NDUFA10: variants seen among roughly 807,000 people sequenced by gnomAD.
NDUFA10 encodes the protein NADH dehydrogenase [ubiquinone] 1 alpha subcomplex subunit 10, mitochondrial.
A neutral mutation model predicts 47.8 loss-of-function variants in NDUFA10; 40 were observed. The ratio of observed to expected loss-of-function variants is 0.84; its 90% confidence interval spans 0.65 to 1.09. The LOEUF is 1.09. Among genes scored for constraint, NDUFA10 ranks in the 50% least tolerant of loss-of-function variants. The pLI is 0.00. For missense variants in NDUFA10, 413 were observed against 451.1 expected (o/e 0.92, Z 0.76); for synonymous variants, 183 against 172.2 (o/e 1.06, Z -0.49).
chr2:239,947,810 C>T (rs751589951), intron 4 of NDUFA10, among the ~76,000 whole-genome samples: 5 of 152,244 alleles, frequency 3.3e-5, no homozygotes, highest in African/African-American at 7.2e-5. Flanking sequence ...AACACGCCCA[C>T]GGCAGCGACA....
At chr2:240,002,217 T>C (rs1696748083) in intron 8 of NDUFA10, among the ~76,000 whole-genome samples, 1 of 150,850 alleles carries the variant, frequency 6.6e-6, no homozygotes, top group Non-Finnish European at 1.5e-5. Context: ...TATAATCCCA[T>C]CTACTCAGGA....
At chr2:239,967,404 C>T (rs1174099790) in intron 9 of NDUFA10, among the ~76,000 whole-genome samples, 1 of 152,216 alleles carries the variant, frequency 6.6e-6, no homozygotes, top group Non-Finnish European at 1.5e-5. Context: ...TACACACTGG[C>T]TGGTGGTGCT....
chr2:240,003,631 C>T (rs76741321), intron 8 of NDUFA10, among the ~76,000 whole-genome samples: 4,246 of 152,282 alleles, frequency 0.028, 207 homozygotes, highest in African/African-American at 0.097. Flanking sequence ...TATGATACAA[C>T]AGCACTTCTC....
intron 4 of NDUFA10, among the ~76,000 whole-genome samples, chr2:240,015,761 C>T (rs1036252697): frequency 6.6e-6 from 1 of 152,256 alleles, no homozygotes; most frequent in Non-Finnish European, 1.5e-5. Flanking sequence ...GTGGAGAGGC[C>T]ATGCTGAGAA....
intron 4 of NDUFA10, among the ~76,000 whole-genome samples, chr2:239,898,413 GCTGC>G (rs1228076426): frequency 1.3e-5 from 2 of 152,242 alleles, no homozygotes; most frequent in East Asian, 3.8e-4. Flanking sequence ...CCCCGAGGGA[GCTGC>G]CTACACACAC....
intron 9 of NDUFA10, among the ~76,000 whole-genome samples, chr2:239,973,865 T>C (rs1273816722): frequency 6.6e-6 from 1 of 152,186 alleles, no homozygotes; most frequent in Non-Finnish European, 1.5e-5. Context: ...CATGTTCATA[T>C]ATATTGCTCA....
At chr2:239,986,715 A>G (rs1198045205) in intron 9 of NDUFA10, among the ~76,000 whole-genome samples, 1 of 152,244 alleles carries the variant, frequency 6.6e-6, no homozygotes, top group Non-Finnish European at 1.5e-5. Context: ...GGCAATCATC[A>G]TAGTAATAAT....
rs190323769 is a variant in NDUFA10, at chr2:240,012,399, G to A, written c.670-703C>T. The A allele has an allele frequency of 8.2e-5, 13 of 158,068 alleles. No homozygotes were observed. In the South Asian group the frequency reaches 1.5e-3, roughly 18 times the overall value. The allele number at this position is 158,068 out of a possible 1,614,324, so 9.8% of individuals were successfully genotyped here. Reference sequence around the variant, plus strand: ...CTCCCCCATCAGCATATGAGCTCACGGGTGAGGACCTCATCCACCCTGCTC... The same window carrying A: ...CTCCCCCATCAGCATATGAGCTCACAGGTGAGGACCTCATCCACCCTGCTC... On this transcript the variant is annotated intron_variant, in intron 5 of 9. Coordinates refer to ENST00000252711, the MANE Select transcript of NDUFA10 (RefSeq NM_004544.4).
At chr2:239,904,094 G>A (rs527571390) in intron 4 of NDUFA10, among the ~76,000 whole-genome samples, 1 of 152,132 alleles carries the variant, frequency 6.6e-6, no homozygotes, top group East Asian at 1.9e-4. Flanking sequence ...GCCAGGCAAA[G>A]GGGGCAAAAG....
intron 9 of NDUFA10, among the ~76,000 whole-genome samples, chr2:239,963,213 GC>G (rs1694925770): frequency 6.6e-6 from 1 of 152,214 alleles, no homozygotes; most frequent in Admixed American, 6.5e-5. Context: ...TGAGATGAAA[GC>G]CCAGGTCATT....
At chr2:239,967,219 C>T (rs1695111272) in intron 9 of NDUFA10, among the ~76,000 whole-genome samples, 1 of 152,230 alleles carries the variant, frequency 6.6e-6, no homozygotes, top group South Asian at 2.1e-4. Flanking sequence ...CATTATGCTG[C>T]TGCTTACACT....
At chr2:239,918,907 C>A (rs764919518) in intron 4 of NDUFA10, among the ~76,000 whole-genome samples, 23 of 152,214 alleles carry the variant, frequency 1.5e-4, no homozygotes, top group Non-Finnish European at 3.1e-4. Context: ...ATGGAGTTCA[C>A]CCTCCTCCTG....
intron 5 of NDUFA10, chr2:240,012,927 T>C (rs192655048): frequency 6.6e-6 from 1 of 152,336 alleles, no homozygotes; most frequent in African/African-American, 2.4e-5. Flanking sequence ...AGGTGCTCTG[T>C]ATTAGAGGAG....
intron 4 of NDUFA10, among the ~76,000 whole-genome samples, chr2:239,905,787 A>G (rs892712176): frequency 7.2e-6 from 1 of 138,572 alleles, no homozygotes; most frequent in African/African-American, 2.6e-5. Flanking sequence ...CTGAAGAAGA[A>G]GAAGCGGGGA....
intron 9 of NDUFA10, among the ~76,000 whole-genome samples, chr2:239,966,777 G>A (rs1695080505): frequency 6.6e-6 from 1 of 152,000 alleles, no homozygotes; most frequent in Non-Finnish European, 1.5e-5. Context: ...TGAGGGAGGG[G>A]CCCTGGGCGG....
At chr2:239,900,902 G>T (rs772461354) in intron 4 of NDUFA10, among the ~76,000 whole-genome samples, 1 of 152,242 alleles carries the variant, frequency 6.6e-6, no homozygotes, top group Non-Finnish European at 1.5e-5. Context: ...AAGGTGCAAG[G>T]TGAAGTAGCA....
intron 4 of NDUFA10, among the ~76,000 whole-genome samples, chr2:239,943,395 C>T (rs552330627): frequency 4.7e-4 from 71 of 152,216 alleles, no homozygotes; most frequent in Non-Finnish European, 7.6e-4. Flanking sequence ...AGTGCAGTGG[C>T]GCAATCAGAG....
chr2:239,966,498 A>G (rs533069397), intron 9 of NDUFA10, among the ~76,000 whole-genome samples: 3 of 152,298 alleles, frequency 2.0e-5, no homozygotes, highest in Non-Finnish European at 4.4e-5. Flanking sequence ...AAAACCCCAC[A>G]GGACCGGACT....
intron 8 of NDUFA10, among the ~76,000 whole-genome samples, chr2:239,999,535 A>G (rs545961945): frequency 1.8e-4 from 27 of 152,296 alleles, no homozygotes; most frequent in African/African-American, 6.5e-4. Flanking sequence ...CAGCAGCAGC[A>G]GCAGCTCTGG....
Sources: gnomAD v4.1 joint callset for allele counts (sites outside exome capture counted in the v4.1 genomes callset) on GRCh38, gnomAD v4.1.1 for gene constraint, MANE v1.5 for transcripts, NCBI Gene and HGNC (gene_info 2026-07-23, HGNC 2026-07-21) for gene names.